CNTNAP5: variants seen among roughly 807,000 people sequenced by gnomAD.
CNTNAP5 encodes the protein contactin-associated protein-like 5.
CNTNAP5 carries 72 observed loss-of-function variants against 150.2 expected under a neutral mutation model. The ratio of observed to expected loss-of-function variants is 0.48; its 90% CI spans 0.40 to 0.58. The LOEUF (loss-of-function observed/expected upper bound fraction) is 0.58. CNTNAP5 is among the 20% of genes least tolerant of loss of function. CNTNAP5 has a pLI of 0.00. For missense variants in CNTNAP5, 1,636 were observed against 1,626.2 expected (o/e 1.01, Z -0.10); for synonymous variants, 672 against 619.8 (o/e 1.08, Z -1.25).
At chr2:124,359,158 T>C (rs1181266261) in intron 3 of CNTNAP5, among the ~76,000 whole-genome samples, 2 of 152,200 alleles carry the variant, frequency 1.3e-5, no homozygotes, top group African/African-American at 4.8e-5. Flanking sequence ...ATATCCCCTT[T>C]ATCATTTTTT....
chr2:124,449,787 T>C lies in CNTNAP5; in HGVS notation c.918+2850T>C, dbSNP rs554663716. Among the ~76,000 whole-genome samples the C allele has an allele frequency of 1.7e-4, 26 of 152,248 alleles. No homozygotes were observed. The East Asian group carries it at 4.1e-3, about 24-fold the overall frequency. ...TCCAATGATTATAAAAGAAGATAGATTGGCTGTAATAGCGGCGTTTGACAT... is the reference window on the plus strand; with the variant it reads ...TCCAATGATTATAAAAGAAGATAGACTGGCTGTAATAGCGGCGTTTGACAT... On this transcript the variant is annotated intron_variant, in intron 6 of 23. Transcript: ENST00000682447.
chr2:124,816,473 C>CTTTTTTTTT (rs34089178), intron 19 of CNTNAP5, among the ~76,000 whole-genome samples: 1 of 107,662 alleles, frequency 9.3e-6, no homozygotes, highest in Non-Finnish European at 1.8e-5. Context: ...TTGCAGCTTA[C>CTTTTTTTTT]TTTTTTTTTT....
At chr2:124,043,178 T>C (rs1267700464) in intron 1 of CNTNAP5, among the ~76,000 whole-genome samples, 4 of 152,174 alleles carry the variant, frequency 2.6e-5, no homozygotes, top group African/African-American at 9.7e-5. Flanking sequence ...GAAAAGGACC[T>C]TGGAAGTGAT....
intron 8 of CNTNAP5, among the ~76,000 whole-genome samples, chr2:124,522,858 C>T (rs1226808848): frequency 1.3e-5 from 2 of 152,214 alleles, no homozygotes; most frequent in African/African-American, 4.8e-5. Flanking sequence ...CACGACTCCC[C>T]TTAACTGTCA....
At chr2:124,781,718 C>A (rs752147032) in intron 17 of CNTNAP5, among the ~76,000 whole-genome samples, 1 of 152,178 alleles carries the variant, frequency 6.6e-6, no homozygotes, top group Non-Finnish European at 1.5e-5. Flanking sequence ...GACTCGGGTT[C>A]GTCTTAAAAT....
At position 124,088,758 on chromosome 2, in the gene CNTNAP5, T is replaced by G. The variant is rs186367425; in HGVS notation, c.82+63026T>G. Among the ~76,000 whole-genome samples the G allele has an allele frequency of 3.0e-4, 46 of 152,268 alleles. 1 individual carries two copies. In the East Asian group the frequency reaches 8.5e-3, roughly 28 times the overall value. On this transcript the variant is annotated intron_variant, in intron 1 of 23. Coordinates refer to ENST00000682447, the MANE Select transcript of CNTNAP5 (RefSeq NM_001367498.1). ...CCATGGAGTCTGCCCTGGAACTGTC[T>G]GTAGGGAGCATATTCCTGCCAGTGA...
intron 21 of CNTNAP5, among the ~76,000 whole-genome samples, chr2:124,883,739 T>C (rs1329352940): frequency 6.6e-6 from 1 of 152,106 alleles, no homozygotes; most frequent in Non-Finnish European, 1.5e-5. Context: ...GGTTTGTACA[T>C]GCATGTATAT....
intron 7 of CNTNAP5, among the ~76,000 whole-genome samples, chr2:124,485,241 G>C (rs1444189910): frequency 6.6e-6 from 1 of 152,168 alleles, no homozygotes; most frequent in African/African-American, 2.4e-5. Flanking sequence ...GCTTGAGATA[G>C]GGTGGACTGT....
At chr2:124,408,914 G>A (rs1031109730) in intron 3 of CNTNAP5, among the ~76,000 whole-genome samples, 1 of 152,102 alleles carries the variant, frequency 6.6e-6, no homozygotes, top group African/African-American at 2.4e-5. Flanking sequence ...GAGAGAAGGA[G>A]GCTTCAGACG....
At chr2:124,717,350 G>T (rs1224833768) in intron 13 of CNTNAP5, among the ~76,000 whole-genome samples, 2 of 152,150 alleles carry the variant, frequency 1.3e-5, no homozygotes, top group East Asian at 3.9e-4. Flanking sequence ...AATGTTCAGG[G>T]AATACTTGAG....
At chr2:124,669,381 T>C (rs1266899209) in intron 13 of CNTNAP5, among the ~76,000 whole-genome samples, 1 of 152,234 alleles carries the variant, frequency 6.6e-6, no homozygotes, top group Non-Finnish European at 1.5e-5. Context: ...ATACTTGCTT[T>C]ACTTAACTTC....
intron 19 of CNTNAP5, among the ~76,000 whole-genome samples, chr2:124,840,442 T>C (rs757118774): frequency 6.6e-6 from 1 of 152,104 alleles, no homozygotes; most frequent in Non-Finnish European, 1.5e-5. Context: ...TTTGTTTTGT[T>C]TGTAGATGTG....
At chr2:124,245,865 G>T (rs768764521) in intron 3 of CNTNAP5, among the ~76,000 whole-genome samples, 95 of 151,706 alleles carry the variant, frequency 6.3e-4, no homozygotes, top group Non-Finnish European at 1.1e-3. Flanking sequence ...AAAGTAGCTG[G>T]GACTACAGGC....
chr2:124,858,589 G>A (rs1677435283), intron 19 of CNTNAP5, among the ~76,000 whole-genome samples: 1 of 152,164 alleles, frequency 6.6e-6, no homozygotes, highest in African/African-American at 2.4e-5. Context: ...CTCATGGATA[G>A]GAAGAATCAA....
rs1300122455 is a variant in CNTNAP5 at position 124,921,130 on chromosome 2, A to G, written c.*6842A>G. On this transcript the variant is annotated 3_prime_UTR_variant, in exon 24 of 24. Coordinates refer to ENST00000682447, the MANE Select transcript of CNTNAP5 (RefSeq NM_001367498.1). The stretch of plus-strand genomic sequence containing the variant: ...TTAGCCTTAGATTTCTTTGTTTTCT[A>G]TGGTTATTGTTGTACAGAAGAAAGA... 2.0e-5 allele frequency among the ~76,000 whole-genome samples: 3 copies of G among 152,176 alleles called. No individual in the cohort carries two copies. The highest frequency in any genetic ancestry group is 4.4e-5 in the Non-Finnish European group (3 of 68,020).
At chr2:124,609,716 C>T (rs1677337599) in intron 11 of CNTNAP5, 85 bp from the exon 12 acceptor site, 1 of 1,451,286 alleles carries the variant, frequency 6.9e-7, no homozygotes, top group Non-Finnish European at 9.4e-7. Context: ...ACACATAGAG[C>T]AAATCTAAGT....
intron 21 of CNTNAP5, among the ~76,000 whole-genome samples, chr2:124,892,972 G>A (rs1394086348): frequency 6.6e-6 from 1 of 152,144 alleles, no homozygotes; most frequent in Non-Finnish European, 1.5e-5. Context: ...GTTTCATTAG[G>A]AAGGAAGGGT....
intron 1 of CNTNAP5, among the ~76,000 whole-genome samples, chr2:124,098,292 T>G (rs1443677916): frequency 6.6e-6 from 1 of 152,186 alleles, no homozygotes; most frequent in African/African-American, 2.4e-5. Context: ...ATAAAGGTCC[T>G]CATCCTCATT....
At chr2:124,443,181 T>A (rs1692719125) in intron 5 of CNTNAP5, among the ~76,000 whole-genome samples, 1 of 151,078 alleles carries the variant, frequency 6.6e-6, no homozygotes, top group Non-Finnish European at 1.5e-5. Context: ...TAAATTTATA[T>A]CACTAGGAAG....
Sources: gnomAD v4.1 joint callset for allele counts (sites outside exome capture counted in the v4.1 genomes callset) on GRCh38, gnomAD v4.1.1 for gene constraint, MANE v1.5 for transcripts, NCBI Gene and HGNC (gene_info 2026-07-23, HGNC 2026-07-21) for gene names.